CTNNA2: variants seen among roughly 807,000 people sequenced by gnomAD.
CTNNA2 encodes catenin alpha 2, also known as catenin alpha-2.
A neutral mutation model predicts 101.0 loss-of-function variants in CTNNA2; 42 were observed. The observed-to-expected ratio is 0.42, with a 90% CI of 0.32 to 0.54. The LOEUF (loss-of-function observed/expected upper bound fraction) is 0.54. Among genes scored for constraint, CTNNA2 ranks in the 20% least tolerant of loss-of-function variants. The pLI is 0.14. For synonymous variants in CTNNA2, 450 were observed against 456.4 expected (o/e 0.99, Z 0.18); for missense variants, 871 against 1,223.1 (o/e 0.71, Z 4.29).
chr2:80,141,161 G>A (rs777454760), intron 7 of CTNNA2, among the ~76,000 whole-genome samples: 3 of 152,050 alleles, frequency 2.0e-5, no homozygotes, highest in South Asian at 2.1e-4. Flanking sequence ...CAGGAAGGAT[G>A]GACATATTTG....
rs544191396 is a variant in CTNNA2 at position 79,720,107 on chromosome 2, A to G, written c.103-24280A>G. Among the ~76,000 whole-genome samples, 273 of 152,266 alleles carry G rather than the reference A, an allele frequency of 1.8e-3. 1 individual carries two copies. Among genetic ancestry groups the G allele is most frequent in the African/African-American group, 6.2e-3 (258 of 41,570 alleles). On this transcript the variant is annotated intron_variant, in intron 2 of 18. Coordinates refer to ENST00000402739, the MANE Select transcript of CTNNA2 (RefSeq NM_001282597.3). Reference sequence around the variant, plus strand: ...TGAGAGTCCAATTTCATTCTTTTGCATATGGCTAGCCAGTTATCCCAGCAC... The same window carrying G: ...TGAGAGTCCAATTTCATTCTTTTGCGTATGGCTAGCCAGTTATCCCAGCAC...
At chr2:80,551,903 A>G (rs1692588568) in intron 11 of CTNNA2, among the ~76,000 whole-genome samples, 1 of 152,182 alleles carries the variant, frequency 6.6e-6, no homozygotes, top group Non-Finnish European at 1.5e-5. Context: ...CACTAAGCTT[A>G]ATCATTTCTA....
At chr2:79,422,458 C>T (rs571392012) in intron 4 of CTNNA2, among the ~76,000 whole-genome samples, 1 of 152,296 alleles carries the variant, frequency 6.6e-6, no homozygotes, top group Non-Finnish European at 1.5e-5. Flanking sequence ...AAATCTTATC[C>T]AGCCCCAAAT....
chr2:79,750,616 A>G (rs573061491), intron 3 of CTNNA2, among the ~76,000 whole-genome samples: 7 of 152,302 alleles, frequency 4.6e-5, no homozygotes, highest in Non-Finnish European at 7.4e-5. Flanking sequence ...TAATCCCAGC[A>G]CTTTGGGAGG....
At chr2:80,614,765 C>G (rs373355488) in intron 17 of CTNNA2, among the ~76,000 whole-genome samples, 2 of 151,388 alleles carry the variant, frequency 1.3e-5, no homozygotes, top group South Asian at 4.2e-4. Flanking sequence ...AGTTTTGAAC[C>G]AGTTTTGGAT....
At chr2:80,421,358 T>C (rs906123735) in intron 9 of CTNNA2, among the ~76,000 whole-genome samples, 8 of 152,224 alleles carry the variant, frequency 5.3e-5, no homozygotes, top group African/African-American at 1.9e-4. Flanking sequence ...AGTTGTGTGA[T>C]AAACATCTAC....
intron 3 of CTNNA2, among the ~76,000 whole-genome samples, chr2:79,845,267 A>G (rs541156816): frequency 6.7e-6 from 1 of 150,276 alleles, no homozygotes; most frequent in East Asian, 2.0e-4. Context: ...TGGGTCTTTC[A>G]GAACCATCAA....
chr2:79,219,589 G>A (rs1306143280), intron 2 of CTNNA2, among the ~76,000 whole-genome samples: 1 of 152,186 alleles, frequency 6.6e-6, no homozygotes, highest in African/African-American at 2.4e-5. Flanking sequence ...CTTGTGGCCT[G>A]TTAGAATATG....
At chr2:80,567,842 T>A (rs886899451) in intron 12 of CTNNA2, among the ~76,000 whole-genome samples, 1 of 152,166 alleles carries the variant, frequency 6.6e-6, no homozygotes, top group African/African-American at 2.4e-5. Context: ...ATCCCTGTCG[T>A]GATATTTTAT....
intron 2 of CTNNA2, among the ~76,000 whole-genome samples, chr2:79,219,539 G>T (rs764668478): frequency 1.3e-5 from 2 of 152,088 alleles, no homozygotes; most frequent in Non-Finnish European, 2.9e-5. Flanking sequence ...TGAGGTTAAG[G>T]TCACTTTAAG....
chr2:80,536,297 CTG>C (rs1558560883), intron 9 of CTNNA2, among the ~76,000 whole-genome samples: 4 of 152,138 alleles, frequency 2.6e-5, no homozygotes, highest in African/African-American at 7.2e-5. Flanking sequence ...ACCATCCTCT[CTG>C]TGGTTTTATA....
intron 7 of CTNNA2, among the ~76,000 whole-genome samples, chr2:80,067,229 G>A (rs1300357196): frequency 2.6e-5 from 4 of 151,860 alleles, no homozygotes; most frequent in African/African-American, 7.3e-5. Flanking sequence ...TTAAGTGTTC[G>A]CATCACAAAA....
chr2:79,776,994 A>C (rs1674012686), intron 3 of CTNNA2: 1 of 152,060 alleles, frequency 6.6e-6, no homozygotes, highest in Non-Finnish European at 1.5e-5. Context: ...AGGTTGGCCG[A>C]CTCGTGTATG....
At chr2:79,277,097 A>G (rs1228334238) in intron 2 of CTNNA2, among the ~76,000 whole-genome samples, 1 of 152,114 alleles carries the variant, frequency 6.6e-6, no homozygotes, top group Non-Finnish European at 1.5e-5. Flanking sequence ...TCAGCAAAAG[A>G]TAAAGAGCAG....
intron 4 of CTNNA2, among the ~76,000 whole-genome samples, chr2:79,455,924 AAATATGAC>A (rs1159868561): frequency 6.6e-6 from 1 of 152,188 alleles, no homozygotes; most frequent in East Asian, 1.9e-4. Context: ...CATTACTTTA[AAATATGAC>A]AAGTTAGACC....
intron 11 of CTNNA2, among the ~76,000 whole-genome samples, chr2:80,551,530 C>T (rs1004322448): frequency 7.2e-5 from 11 of 152,238 alleles, no homozygotes; most frequent in South Asian, 2.1e-4. Flanking sequence ...GTTCTATCTA[C>T]ATCAGCACTT....
At chr2:79,911,242 T>C (rs1251426664) in intron 7 of CTNNA2, among the ~76,000 whole-genome samples, 1 of 152,198 alleles carries the variant, frequency 6.6e-6, no homozygotes, top group African/African-American at 2.4e-5. Flanking sequence ...GCTGTTTGTT[T>C]GTTCGTTGTT....
At chr2:80,645,334 T>C (rs988163381) in intron 18 of CTNNA2, among the ~76,000 whole-genome samples, 2 of 152,132 alleles carry the variant, frequency 1.3e-5, no homozygotes, top group South Asian at 2.1e-4. Context: ...CTCATCTCTG[T>C]CCTTCATTAT....
intron 3 of CTNNA2, among the ~76,000 whole-genome samples, chr2:79,758,527 A>G (rs1488397234): frequency 6.6e-6 from 1 of 152,178 alleles, no homozygotes; most frequent in African/African-American, 2.4e-5. Flanking sequence ...GATTTGGGAT[A>G]CAATTAACCC....
Sources: allele counts gnomAD v4.1 joint callset (sites outside exome capture counted in the v4.1 genomes callset), GRCh38; gene constraint gnomAD v4.1.1; transcripts MANE v1.5; gene names NCBI Gene and HGNC (gene_info 2026-07-23, HGNC 2026-07-21).